Variants in CCDC191 observed in about 807,000 individuals in gnomAD.
CCDC191 encodes coiled-coil domain containing 191.
A neutral mutation model predicts 114.0 loss-of-function variants in CCDC191; 99 were observed. The ratio of observed to expected loss-of-function variants is 0.87; its 90% CI spans 0.74 to 1.03. The LOEUF (loss-of-function observed/expected upper bound fraction) is 1.03, where lower values mean the gene tolerates loss of function less well. Among genes scored for constraint, CCDC191 ranks in the 50% least tolerant of loss-of-function variants. The pLI, the probability that CCDC191 is intolerant of heterozygous loss-of-function variation, is 0.00. For missense variants in CCDC191, 973 were observed against 1,087.0 expected (o/e 0.90, Z 1.47); for synonymous variants, 351 against 376.0 (o/e 0.93, Z 0.77).
In CCDC191 at chr3:113,965,172, T is replaced by A; in HGVS notation, c.2794A>T (p.Ser932Cys). The change falls in exon 17 of 17, where the codon AGT becomes TGT. Residue 932 changes from serine (S) to cysteine (C), a missense_variant. Coordinates refer to ENST00000295878, the MANE Select transcript of CCDC191 (RefSeq NM_020817.2). ...AATCTGGCTCATTCGTTCACCAGAC[T>A]TGTCTTACTCAAGGACCAAGTATCT... ...QSDTWSLSKT[S>C]LVNE The A allele has an allele frequency of 6.2e-7, 1 of 1,602,736 alleles. No individual in the cohort carries two copies. Among genetic ancestry groups the A allele is most frequent in the Non-Finnish European group, 8.5e-7 (1 of 1,174,362 alleles).
chr3:114,055,941 G>C (rs181171775), intron 1 of CCDC191, among the ~76,000 whole-genome samples: 1 of 151,784 alleles, frequency 6.6e-6, no homozygotes, highest in Non-Finnish European at 1.5e-5. Context: ...TAAAAGTGAA[G>C]GGGCAGGAAT....
intron 7 of CCDC191, among the ~76,000 whole-genome samples, chr3:114,024,697 T>C (rs1473883784): frequency 6.6e-6 from 1 of 151,966 alleles, no homozygotes; most frequent in Admixed American, 6.6e-5. Flanking sequence ...CCAGGGGCTG[T>C]TGTGGGGTAG....
Position 114,006,610 on chromosome 3 carries a change from ATATATAT to A in CCDC191, c.1414-655_1414-649del, listed in dbSNP as rs1577401448. 7.0e-5 allele frequency among the ~76,000 whole-genome samples: 9 copies of A among 128,358 alleles called. No individual in the cohort carries two copies. The South Asian group carries it at 1.2e-3, about 17-fold the overall frequency. 84.2% of individuals were successfully genotyped at this position (128,358 alleles called of 152,430 possible). A position where few individuals can be genotyped will look rare whatever the true frequency, so the allele number is the denominator to read the frequency against. ...CAGATATATATATATATATATATAT[ATATATAT>A]AAATATATATATTTTATATATAAAA... On this transcript the variant is annotated intron_variant, in intron 9 of 16. Coordinates refer to ENST00000295878, the MANE Select transcript of CCDC191 (RefSeq NM_020817.2).
At chr3:114,030,567 T>C (rs1004970458) in intron 7 of CCDC191, among the ~76,000 whole-genome samples, 3 of 152,206 alleles carry the variant, frequency 2.0e-5, no homozygotes, top group African/African-American at 7.2e-5. Context: ...CCTTCTGTTT[T>C]CCTGAAGCCA....
At chr3:113,985,770 C>T (rs1432268043) in intron 13 of CCDC191, among the ~76,000 whole-genome samples, 7 of 152,206 alleles carry the variant, frequency 4.6e-5, no homozygotes, top group African/African-American at 1.7e-4. Flanking sequence ...ATGTCTACAG[C>T]ATACAGCAAC....
chr3:114,028,487 G>A (rs1372702665), intron 7 of CCDC191, among the ~76,000 whole-genome samples: 1 of 151,622 alleles, frequency 6.6e-6, no homozygotes, highest in Non-Finnish European at 1.5e-5. Context: ...GGGTTTCACC[G>A]TGTTAGCCAG....
At chr3:114,047,072 A>T in intron 2 of CCDC191, 1 of 957,426 alleles carries the variant, frequency 1.0e-6, no homozygotes, top group Non-Finnish European at 1.2e-6. Context: ...AAAATATTAT[A>T]TTTTATTAGT....
At chr3:113,980,195 T>C (rs775915611) in intron 14 of CCDC191, among the ~76,000 whole-genome samples, 2 of 152,178 alleles carry the variant, frequency 1.3e-5, no homozygotes, top group Non-Finnish European at 2.9e-5. Flanking sequence ...GTAGCTGCTG[T>C]AACCAGAATG....
intron 11 of CCDC191, chr3:114,003,735 T>G: frequency 1.0e-6 from 1 of 985,444 alleles, no homozygotes. Flanking sequence ...GACTGCCAAT[T>G]TCTTCATTAA....
At position 114,056,499 on chromosome 3, in the gene CCDC191, C is replaced by A; in HGVS notation, c.-33G>T. 1.2e-6 allele frequency: 2 copies of A among 1,613,884 alleles called. No homozygotes were observed. Among genetic ancestry groups the A allele is most frequent in the Non-Finnish European group, 1.7e-6 (2 of 1,180,030 alleles). On this transcript the variant is annotated 5_prime_UTR_variant, in exon 1 of 17. Transcript: ENST00000295878. ...GTTCGAGCCCGAACCTCGGCCAAAGCTGCAGCAACCGCCCTTCTGCCCGGG... is the reference window on the plus strand; with the variant it reads ...GTTCGAGCCCGAACCTCGGCCAAAGATGCAGCAACCGCCCTTCTGCCCGGG...
At chr3:113,997,595 TG>T (rs1341755687) in intron 13 of CCDC191, among the ~76,000 whole-genome samples, 2 of 152,020 alleles carry the variant, frequency 1.3e-5, no homozygotes, top group African/African-American at 4.8e-5. Flanking sequence ...CACAAAATAA[TG>T]GGGGCATGTC....
chr3:113,970,336 A>AT (rs907721310), intron 16 of CCDC191, among the ~76,000 whole-genome samples: 2 of 151,582 alleles, frequency 1.3e-5, no homozygotes, highest in Non-Finnish European at 1.5e-5. Context: ...ATTTGGATAC[A>AT]TTTTTTTTAA....
intron 13 of CCDC191, among the ~76,000 whole-genome samples, chr3:113,992,865 T>C (rs2075613777): frequency 6.6e-6 from 1 of 152,150 alleles, no homozygotes; most frequent in South Asian, 2.1e-4. Flanking sequence ...AAAAAAATTA[T>C]AGGCCAACAT....
intron 7 of CCDC191, among the ~76,000 whole-genome samples, chr3:114,021,952 T>C (rs1431795541): frequency 6.6e-6 from 1 of 152,164 alleles, no homozygotes; most frequent in Non-Finnish European, 1.5e-5. Context: ...GGCACTCTTT[T>C]CCTAACTTCC....
rs1291433342 is a variant in CCDC191 at position 114,036,614 on chromosome 3, A to G, written c.588T>C (p.His196=). The change falls in exon 5 of 17, where the codon CAT becomes CAC. Residue 196 remains histidine, a synonymous_variant. Coordinates refer to ENST00000295878, the MANE Select transcript of CCDC191 (RefSeq NM_020817.2). Reference sequence around the variant, plus strand: ...TTTTGTTTTTCCCTCCCACCTGCTTATGTCTCATCTCCATGGTAAGACGAG... The same window carrying G: ...TTTTGTTTTTCCCTCCCACCTGCTTGTGTCTCATCTCCATGGTAAGACGAG... ...KDPRLTMEMR[H]KQVKENRLRR... The G allele has an allele frequency of 3.1e-6, 5 of 1,593,482 alleles. No individual in the cohort carries two copies. In the African/African-American group the frequency reaches 6.8e-5, roughly 22 times the overall value.
intron 7 of CCDC191, among the ~76,000 whole-genome samples, chr3:114,019,123 A>G (rs560164979): frequency 6.6e-6 from 1 of 152,350 alleles, no homozygotes; most frequent in African/African-American, 2.4e-5. Flanking sequence ...GTAAGCCACC[A>G]GTCCCATGGG....
At chr3:114,006,614 AT>A (rs67821822) in intron 9 of CCDC191, among the ~76,000 whole-genome samples, 24,348 of 128,028 alleles carry the variant, frequency 0.19, 2,655 homozygotes, top group Middle Eastern at 0.33. Context: ...ATATATATAT[AT>A]ATAAATATAT....
intron 16 of CCDC191, among the ~76,000 whole-genome samples, chr3:113,968,232 C>CTAA (rs1459892138): frequency 6.6e-6 from 1 of 152,144 alleles, no homozygotes; most frequent in African/African-American, 2.4e-5. Context: ...AATGGCTGTA[C>CTAA]TAATTTACAC....
intron 3 of CCDC191, among the ~76,000 whole-genome samples, chr3:114,045,261 C>T (rs930186985): frequency 2.6e-5 from 4 of 152,184 alleles, no homozygotes; most frequent in Non-Finnish European, 4.4e-5. Context: ...CTATCAACCA[C>T]TCTAAACCAC....
Sources: gnomAD v4.1 joint callset for allele counts (sites outside exome capture counted in the v4.1 genomes callset) on GRCh38, gnomAD v4.1.1 for gene constraint, MANE v1.5 for transcripts, NCBI Gene and HGNC (gene_info 2026-07-23, HGNC 2026-07-21) for gene names.